Variants in EIF4ENIF1 observed in about 807,000 individuals in gnomAD.
EIF4ENIF1 encodes eukaryotic translation initiation factor 4E transporter.
EIF4ENIF1 carries 23 observed loss-of-function variants against 110.5 expected under a neutral mutation model. The observed-to-expected ratio is 0.21, with a 90% CI of 0.15 to 0.29. EIF4ENIF1 has a LOEUF of 0.29. Ranked by LOEUF, EIF4ENIF1 falls within the 10% of genes least tolerant of loss-of-function variation. The pLI is 1.00. For synonymous variants in EIF4ENIF1, 440 were observed against 437.0 expected, an observed-to-expected ratio of 1.01 and a Z score of -0.09; for missense variants, 1,031 against 1,221.1, an observed-to-expected ratio of 0.84 and a Z score of 2.32.
intron 12 of EIF4ENIF1, 60 bp downstream of exon 12, chr22:31,449,288 G>A: frequency 6.4e-7 from 1 of 1,552,020 alleles, no homozygotes; most frequent in Non-Finnish European, 8.8e-7. Flanking sequence ...GGAATTACAG[G>A]CATGAGCTAC....
intron 2 of EIF4ENIF1, among the ~76,000 whole-genome samples, chr22:31,487,583 G>A (rs2052085908): frequency 6.6e-6 from 1 of 151,990 alleles, no homozygotes; most frequent in Non-Finnish European, 1.5e-5. Flanking sequence ...GATTGCTTAA[G>A]CCCAGGAGTT....
chr22:31,475,721 TAAAAAAA>T (rs11089509), intron 2 of EIF4ENIF1, among the ~76,000 whole-genome samples: 1 of 133,866 alleles, frequency 7.5e-6, no homozygotes, highest in Non-Finnish European at 1.6e-5. Context: ...AGACTCCGTT[TAAAAAAA>T]AAAAAAAAAA....
chr22:31,450,405 T>C, intron 10 of EIF4ENIF1, 45 bp from the exon 11 acceptor site: 1 of 1,496,254 alleles, frequency 6.7e-7, no homozygotes, highest in South Asian at 1.1e-5. Flanking sequence ...CTTAACTCAC[T>C]TAACTTACAG....
chr22:31,444,381 C>A, intron 15 of EIF4ENIF1: 1 of 475,426 alleles, frequency 2.1e-6, no homozygotes, highest in Non-Finnish European at 3.9e-6. Context: ...CCATGATCAT[C>A]TCTGCTGGAA....
Position 31,441,804 on chromosome 22 carries a change from G to A in EIF4ENIF1, c.2521C>T (p.Pro841Ser), listed in dbSNP as rs778401265. 2 of 1,613,610 alleles carry A rather than the reference G, an allele frequency of 1.2e-6. No homozygotes were observed. Among genetic ancestry groups the A allele is most frequent in the Non-Finnish European group, 1.7e-6 (2 of 1,179,686 alleles). ...VQRMLAQGVHPQHLPSLLQTG... is the reference protein window; with the variant it reads ...VQRMLAQGVHSQHLPSLLQTG... ...TGGAGCAAACTTGGAAGATGCTGTG[G>A]ATGTACTCCCTGGGCCAGCATCCTC... Residue 841 changes from proline (P) to serine (S), a missense_variant, in exon 17 of 19, where the codon CCA becomes TCA. Physicochemically the swap from Pro to Ser is moderately conservative, Grantham distance 74. Around this residue, in one of 3 missense-constraint regions of EIF4ENIF1, gnomAD observed 309 missense variants for 299.1 expected, o/e 1.03. Transcript: ENST00000330125.
At chr22:31,446,881 C>A (rs181528599) in intron 14 of EIF4ENIF1, 151 of 306,800 alleles carry the variant, frequency 4.9e-4, no homozygotes, top group African/African-American at 3.1e-3. Flanking sequence ...TTGCAACTAT[C>A]GAAAAAGAGA....
chr22:31,443,858 G>C (rs1181151353), intron 15 of EIF4ENIF1, among the ~76,000 whole-genome samples: 1 of 141,936 alleles, frequency 7.0e-6, no homozygotes, highest in Non-Finnish European at 1.5e-5. Context: ...GCAGTGGCAC[G>C]ATCTTGGCTC....
At chr22:31,490,101 G>A (rs2052212984), upstream of EIF4ENIF1, among the ~76,000 whole-genome samples, 1 of 152,180 alleles carries the variant, frequency 6.6e-6, no homozygotes, top group South Asian at 2.1e-4. Context: ...GCAGGCGGTC[G>A]CCGTGGGCAG....
chr22:31,491,508 G>T (rs1355689281), upstream of EIF4ENIF1, among the ~76,000 whole-genome samples: 1 of 152,080 alleles, frequency 6.6e-6, no homozygotes, highest in African/African-American at 2.4e-5. Flanking sequence ...GAAAGGGATC[G>T]CAGTATACCT....
At chr22:31,447,936 T>C (rs1300311886) in intron 13 of EIF4ENIF1, among the ~76,000 whole-genome samples, 1 of 152,182 alleles carries the variant, frequency 6.6e-6, no homozygotes, top group East Asian at 1.9e-4. Flanking sequence ...GGACTACAGA[T>C]GCATGCCGCT....
downstream of EIF4ENIF1, chr22:31,437,156 C>T (rs1490030587): frequency 6.6e-6 from 1 of 152,240 alleles, no homozygotes; most frequent in Non-Finnish European, 1.5e-5. Flanking sequence ...ACTTATTTAA[C>T]TGCTTCCTTT....
downstream of EIF4ENIF1, chr22:31,437,368 A>G (rs567495280): frequency 2.6e-5 from 4 of 151,930 alleles, no homozygotes; most frequent in Admixed American, 6.6e-5. Context: ...AGTTTCTCCA[A>G]AGACATCCCT....
chr22:31,475,223 C>T (rs2051528579), intron 2 of EIF4ENIF1, among the ~76,000 whole-genome samples: 1 of 152,012 alleles, frequency 6.6e-6, no homozygotes, highest in Non-Finnish European at 1.5e-5. Flanking sequence ...GAGATAAACA[C>T]AGTTCCAAAT....
At chr22:31,437,450 T>TCCCCCCCCC (rs368145036), downstream of EIF4ENIF1, 4 of 125,112 alleles carry the variant, frequency 3.2e-5, no homozygotes, top group East Asian at 2.2e-4. Context: ...TTTGCCTTCA[T>TCCCCCCCCC]CCCCCCCCCA....
chr22:31,437,626 T>A (rs1055048812), downstream of EIF4ENIF1: 1 of 152,186 alleles, frequency 6.6e-6, no homozygotes, highest in Non-Finnish European at 1.5e-5. Flanking sequence ...GTTTCTGTCC[T>A]ACTAGCTTCT....
upstream of EIF4ENIF1, chr22:31,489,901 G>C (rs910242371): frequency 6.6e-6 from 1 of 150,376 alleles, no homozygotes; most frequent in Non-Finnish European, 1.5e-5. Context: ...CTCCCTCCAC[G>C]CACCCTGGCC....
intron 3 of EIF4ENIF1, among the ~76,000 whole-genome samples, chr22:31,470,686 T>A (rs1012966487): frequency 9.2e-6 from 1 of 108,580 alleles, no homozygotes; most frequent in African/African-American, 4.1e-5. Context: ...TAAATAGGAC[T>A]TTTTTTTTTT....
rs755958296 is a variant in EIF4ENIF1 at position 31,463,712 on chromosome 22, C to G, written c.554G>C (p.Arg185Pro). 6.2e-7 allele frequency: 1 copy of G among 1,613,224 alleles called. No individual in the cohort carries two copies. Among genetic ancestry groups the G allele is most frequent in the Non-Finnish European group, 8.5e-7 (1 of 1,179,762 alleles). Residue 185 changes from arginine to proline, a missense_variant, in exon 5 of 19, where the codon CGA becomes CCA. This residue lies in a region of EIF4ENIF1 where 704 missense variants were observed against 879.7 expected (regional missense o/e 0.80). Coordinates refer to ENST00000330125, the MANE Select transcript of EIF4ENIF1 (RefSeq NM_019843.4). ...KDLRDLRDRD[R>P]ERDFKDKRFR... ...ACGCTTGTCCTTGAAGTCCCTCTCTCGGTCTCTGTCTCTCAAGTCCCGCAG... is the reference window on the plus strand; with the variant it reads ...ACGCTTGTCCTTGAAGTCCCTCTCTGGGTCTCTGTCTCTCAAGTCCCGCAG...
Position 31,440,830 on chromosome 22 carries a change from C to T in EIF4ENIF1, c.2590G>A (p.Gly864Arg). The change falls in exon 18 of 19, where the codon GGA becomes AGA. Residue 864 changes from glycine (G) to arginine (R), a missense_variant. Transcript: ENST00000330125. ...TGACCCAGGATGGGGCCAGATATTC[C>T]CTGTAAATGACTCAAGTCCATCCCA... ...PPGMDLSHLQ[G>R]ISGPILGQPF... 6.2e-7 allele frequency: 1 copy of T among 1,613,988 alleles called. No homozygotes were observed. Among genetic ancestry groups the T allele is most frequent in the Non-Finnish European group, 8.5e-7 (1 of 1,179,872 alleles).
Sources: allele counts gnomAD v4.1 joint callset (sites outside exome capture counted in the v4.1 genomes callset), GRCh38; gene constraint gnomAD v4.1.1; regional missense constraint gnomAD v4.1.1; transcripts MANE v1.5; gene names NCBI Gene and HGNC (gene_info 2026-07-23, HGNC 2026-07-21).